Variants in PSMD1 observed in about 807,000 individuals in gnomAD.
The protein encoded by PSMD1 is proteasome 26S subunit, non-ATPase 1, also known as 26S proteasome non-ATPase regulatory subunit 1.
PSMD1 carries 18 observed loss-of-function variants against 119.0 expected under a neutral mutation model. The ratio of observed to expected loss-of-function variants is 0.15; its 90% CI spans 0.10 to 0.22. PSMD1 has a LOEUF of 0.22. PSMD1 is among the 10% of genes least tolerant of loss of function. The pLI is 1.00. For missense variants in PSMD1, 702 were observed against 1,158.5 expected, an observed-to-expected ratio of 0.61 and a Z score of 5.72; for synonymous variants, 374 against 396.6, an observed-to-expected ratio of 0.94 and a Z score of 0.68.
At chr2:231,138,883 C>T (rs1459259370) in intron 17 of PSMD1, 33 bp downstream of exon 17, 1 of 1,498,748 alleles carries the variant, frequency 6.7e-7, no homozygotes, top group African/African-American at 1.4e-5. Flanking sequence ...TCAGTTCTTT[C>T]TTGGCGCCAG....
At chr2:231,116,879 G>A (rs1004335336) in intron 16 of PSMD1, among the ~76,000 whole-genome samples, 6 of 151,900 alleles carry the variant, frequency 3.9e-5, no homozygotes, top group Non-Finnish European at 5.9e-5. Context: ...TTCAAGTTTC[G>A]TGAAACACTG....
At chr2:231,059,166 G>A (rs372794171) in intron 1 of PSMD1, among the ~76,000 whole-genome samples, 5 of 152,294 alleles carry the variant, frequency 3.3e-5, no homozygotes, top group African/African-American at 9.6e-5. Flanking sequence ...CTTTAAGGTG[G>A]CAAAACTAAT....
chr2:231,063,828 A>AT (rs35057221), intron 4 of PSMD1, among the ~76,000 whole-genome samples: 3 of 148,426 alleles, frequency 2.0e-5, no homozygotes, highest in African/African-American at 4.9e-5. Flanking sequence ...TATTTGATGG[A>AT]TTTTTTTTTT....
intron 16 of PSMD1, chr2:231,108,124 G>C (rs1047191921): frequency 4.3e-6 from 1 of 234,624 alleles, no homozygotes; most frequent in Admixed American, 5.2e-5. Flanking sequence ...CATGCCTTAT[G>C]CTTTTAAGAC....
intron 17 of PSMD1, among the ~76,000 whole-genome samples, chr2:231,142,904 AAT>A (rs1307840056): frequency 6.6e-6 from 1 of 152,070 alleles, no homozygotes; most frequent in Non-Finnish European, 1.5e-5. Context: ...CTCTAATTTT[AAT>A]ATATATATGT....
intron 20 of PSMD1, 31 bp downstream of exon 20, chr2:231,161,540 T>G: frequency 6.3e-7 from 1 of 1,576,664 alleles, no homozygotes; most frequent in Middle Eastern, 1.7e-4. Flanking sequence ...CTTTGTAGTA[T>G]TTCCTGTTCA....
rs138616641 is a variant in PSMD1 at position 231,168,615 on chromosome 2, G to A, written c.2716-1951G>A. 3.3e-4 allele frequency among the ~76,000 whole-genome samples: 50 copies of A among 152,312 alleles called. No homozygotes were observed. In the East Asian group the frequency reaches 7.5e-3, roughly 23 times the overall value. On this transcript the variant is annotated intron_variant, in intron 23 of 24. Transcript: ENST00000308696. The stretch of plus-strand genomic sequence containing the variant: ...AGAAAAGGCAAATCTATAGAGACGA[G>A]TTAGATTGGTGGCTACCAAGGACAG...
chr2:231,070,174 G>T lies in PSMD1; in HGVS notation c.654+6G>T, dbSNP rs751513288. 11 of 1,524,500 alleles carry T rather than the reference G, an allele frequency of 7.2e-6. No individual in the cohort carries two copies. Among genetic ancestry groups the T allele is most frequent in the African/African-American group, 5.6e-5 (4 of 71,494 alleles). The allele number at this position is 1,524,500 out of a possible 1,614,324, so 94.4% of individuals were successfully genotyped here. On this transcript the variant is annotated splice_donor_region_variant and intron_variant, in intron 6 of 24. Transcript: ENST00000308696. ...ATTTCATCAATGTTTGTCAGGTAAT[G>T]ACATTAAATTATGTTTCATTACATT...
intron 16 of PSMD1, among the ~76,000 whole-genome samples, chr2:231,122,081 T>C (rs1695564794): frequency 6.6e-6 from 1 of 152,146 alleles, no homozygotes; most frequent in Non-Finnish European, 1.5e-5. Flanking sequence ...TTATTTTTCA[T>C]GGTTTCATGC....
chr2:231,086,973 G>A, intron 15 of PSMD1, 144 bp from the exon 16 acceptor site: 3 of 583,848 alleles, frequency 5.1e-6, no homozygotes, highest in Non-Finnish European at 3.1e-6. Flanking sequence ...TATTGTATAT[G>A]TTTAGAGGTG....
At chr2:231,119,817 CT>C (rs1388054793) in intron 16 of PSMD1, among the ~76,000 whole-genome samples, 1 of 132,892 alleles carries the variant, frequency 7.5e-6, no homozygotes, top group Non-Finnish European at 1.5e-5. Flanking sequence ...TTGCAGTGAA[CT>C]GAGATCATGC....
At chr2:231,087,804 T>A (rs1381261755) in intron 16 of PSMD1, among the ~76,000 whole-genome samples, 5 of 151,986 alleles carry the variant, frequency 3.3e-5, no homozygotes, top group Non-Finnish European at 1.5e-5. Flanking sequence ...CTACTAAAAA[T>A]ACAAAAAATT....
intron 8 of PSMD1, among the ~76,000 whole-genome samples, chr2:231,076,195 G>A (rs1694161136): frequency 6.6e-6 from 1 of 152,140 alleles, no homozygotes; most frequent in Admixed American, 6.5e-5. Flanking sequence ...CTAGCAAATG[G>A]CAACATATAT....
At position 231,075,408 on chromosome 2, in the gene PSMD1, CATT is replaced by C. The variant is rs144590472; in HGVS notation, c.882-99_882-97del. On this transcript the variant is annotated intron_variant, in intron 7 of 24. Coordinates refer to ENST00000308696, the MANE Select transcript of PSMD1 (RefSeq NM_002807.4). Reference sequence around the variant, plus strand: ...TTCTTAATGGTAATACTTTAGTAAACATTATTTTCTTGCAAAATATTCAATTTG... The same window carrying C: ...TTCTTAATGGTAATACTTTAGTAAACATTTTCTTGCAAAATATTCAATTTG... 1.8e-3 allele frequency: 1,888 copies of C among 1,026,074 alleles called. 29 individuals are homozygous for C. The African/African-American group carries it at 0.028, about 15-fold the overall frequency. The allele number at this position is 1,026,074 out of a possible 1,614,324, so 63.6% of individuals were successfully genotyped here.
At chr2:231,067,636 A>G (rs1693939690) in intron 5 of PSMD1, among the ~76,000 whole-genome samples, 1 of 151,970 alleles carries the variant, frequency 6.6e-6, no homozygotes, top group African/African-American at 2.4e-5. Flanking sequence ...CCCCTTCCAA[A>G]AATATTTTTT....
intron 16 of PSMD1, among the ~76,000 whole-genome samples, chr2:231,098,487 A>G (rs1030368942): frequency 8.5e-5 from 10 of 117,704 alleles, no homozygotes; most frequent in East Asian, 2.5e-4. Flanking sequence ...CTCTGTCTCT[A>G]TCTCTCTGAC....
At chr2:231,060,366 C>G (rs1693725620) in intron 1 of PSMD1, 1 of 152,204 alleles carries the variant, frequency 6.6e-6, no homozygotes, top group Admixed American at 6.5e-5. Flanking sequence ...ATGGCTACAT[C>G]TAACTAAGTT....
chr2:231,133,900 T>C (rs1246226871), intron 16 of PSMD1, among the ~76,000 whole-genome samples: 1 of 152,242 alleles, frequency 6.6e-6, no homozygotes, highest in Non-Finnish European at 1.5e-5. Context: ...GGCAGTGACT[T>C]ATGCATATGC....
At chr2:231,169,558 T>C (rs990423864) in intron 23 of PSMD1, among the ~76,000 whole-genome samples, 1 of 152,214 alleles carries the variant, frequency 6.6e-6, no homozygotes, top group African/African-American at 2.4e-5. Context: ...ACCAGTTTTA[T>C]AGCATGGCAG....
Sources: gnomAD v4.1 joint callset for allele counts (sites outside exome capture counted in the v4.1 genomes callset) on GRCh38, gnomAD v4.1.1 for gene constraint, MANE v1.5 for transcripts, NCBI Gene and HGNC (gene_info 2026-07-23, HGNC 2026-07-21) for gene names.